The following ULK4 variants were observed in gnomAD, a reference collection of about 807,000 sequenced individuals.
ULK4 encodes the protein inactive serine/threonine-protein kinase ULK4.
Under a neutral mutation model 160.6 loss-of-function variants are expected in ULK4, and 133 were observed. The observed-to-expected ratio is 0.83, with a 90% CI of 0.72 to 0.96. ULK4 has a LOEUF of 0.96. ULK4 is among the 40% of genes least tolerant of loss of function. The pLI is 0.00. For missense variants in ULK4, 1,580 were observed against 1,499.5 expected (o/e 1.05, Z -0.89); for synonymous variants, 534 against 539.8 (o/e 0.99, Z 0.15).
intron 17 of ULK4, chr3:41,869,027 T>C (rs1228036406): frequency 1.3e-5 from 2 of 152,048 alleles, no homozygotes; most frequent in Non-Finnish European, 2.9e-5. Context: ...GCAGTGGGAG[T>C]GGAGAAGAAA....
Position 41,705,253 on chromosome 3 carries a change from C to A in ULK4, c.2686+1G>T. The A allele has an allele frequency of 1.9e-6, 3 of 1,613,460 alleles. No individual in the cohort carries two copies. The highest frequency in any genetic ancestry group is 2.5e-6 in the Non-Finnish European group (3 of 1,179,726). On this transcript the variant is annotated splice_donor_variant, in intron 26 of 36. Transcript: ENST00000301831. LOFTEE classifies it high-confidence loss of function. ...CACAAAATGTTCCAGGGTCTACTCACCTATGGCTCCATCTATGTTCGTTTC... is the reference window on the plus strand; with the variant it reads ...CACAAAATGTTCCAGGGTCTACTCAACTATGGCTCCATCTATGTTCGTTTC...
intron 30 of ULK4, among the ~76,000 whole-genome samples, chr3:41,649,757 T>C (rs1016324863): frequency 6.6e-6 from 1 of 152,224 alleles, no homozygotes; most frequent in African/African-American, 2.4e-5. Context: ...GGCATGTTGA[T>C]GGCAGAAGGC....
At chr3:41,417,302 A>G (rs917944275) in intron 34 of ULK4, among the ~76,000 whole-genome samples, 1 of 152,192 alleles carries the variant, frequency 6.6e-6, no homozygotes, top group African/African-American at 2.4e-5. Context: ...AGAGATCATC[A>G]GTGAAACTCT....
chr3:41,870,733 G>A (rs1344061592), intron 17 of ULK4, among the ~76,000 whole-genome samples: 1 of 152,102 alleles, frequency 6.6e-6, no homozygotes, highest in Admixed American at 6.6e-5. Context: ...TCAAAAAACA[G>A]AACCAATCAA....
intron 35 of ULK4, among the ~76,000 whole-genome samples, chr3:41,283,842 T>TAA (rs35648050): frequency 4.6e-5 from 7 of 151,168 alleles, no homozygotes; most frequent in Admixed American, 1.3e-4. Flanking sequence ...CTAGAACTGA[T>TAA]AAAAAAAATT....
At chr3:41,433,055 T>A (rs1030685720) in intron 34 of ULK4, among the ~76,000 whole-genome samples, 5 of 152,030 alleles carry the variant, frequency 3.3e-5, no homozygotes, top group Non-Finnish European at 4.4e-5. Context: ...CCTATAAAAA[T>A]TAAAAATGCA....
At chr3:41,826,936 G>C (rs1227918322) in intron 18 of ULK4, among the ~76,000 whole-genome samples, 2 of 142,498 alleles carry the variant, frequency 1.4e-5, no homozygotes, top group Non-Finnish European at 3.0e-5. Flanking sequence ...AAATGTAAAA[G>C]AACAGAAATT....
chr3:41,645,442 C>T (rs538035113), intron 30 of ULK4, among the ~76,000 whole-genome samples: 16 of 152,042 alleles, frequency 1.1e-4, no homozygotes, highest in East Asian at 1.9e-4. Flanking sequence ...GCCTTTGTTT[C>T]GTTATGTACC....
At chr3:41,404,493 T>C (rs1260792167) in intron 34 of ULK4, among the ~76,000 whole-genome samples, 1 of 152,198 alleles carries the variant, frequency 6.6e-6, no homozygotes, top group African/African-American at 2.4e-5. Context: ...TTCTTGTAGA[T>C]AGCATGCTGT....
At chr3:41,527,369 C>T (rs1226405219) in intron 32 of ULK4, among the ~76,000 whole-genome samples, 1 of 152,190 alleles carries the variant, frequency 6.6e-6, no homozygotes, top group Non-Finnish European at 1.5e-5. Context: ...TTCTGTGATG[C>T]TTACTATGTG....
At chr3:41,753,943 G>C (rs970043404) in intron 22 of ULK4, among the ~76,000 whole-genome samples, 1 of 152,226 alleles carries the variant, frequency 6.6e-6, no homozygotes, top group African/African-American at 2.4e-5. Context: ...GGAGGATGGA[G>C]TGAGTGCCAG....
chr3:41,296,727 T>C (rs1026118168), intron 35 of ULK4, among the ~76,000 whole-genome samples: 6 of 152,104 alleles, frequency 3.9e-5, no homozygotes, highest in Middle Eastern at 3.4e-3. Context: ...TCCTCATGGC[T>C]AGGAGCTGAT....
chr3:41,896,178 C>T (rs1698145842), intron 15 of ULK4, among the ~76,000 whole-genome samples: 1 of 152,196 alleles, frequency 6.6e-6, no homozygotes, highest in Admixed American at 6.5e-5. Flanking sequence ...ACCGACACCC[C>T]CGACCCATTC....
chr3:41,744,848 A>G (rs1251777978), intron 22 of ULK4, among the ~76,000 whole-genome samples: 1 of 151,804 alleles, frequency 6.6e-6, no homozygotes, highest in Non-Finnish European at 1.5e-5. Flanking sequence ...AAGAACTGAA[A>G]TCACAGCAAG....
chr3:41,800,104 A>C (rs1273341963), intron 20 of ULK4, 28 bp downstream of exon 20: 3 of 1,547,290 alleles, frequency 1.9e-6, no homozygotes, highest in Non-Finnish European at 2.6e-6. Flanking sequence ...ATACCCAGAC[A>C]TATCCCCCAA....
At chr3:41,604,731 C>T (rs548375839) in intron 31 of ULK4, among the ~76,000 whole-genome samples, 1 of 152,158 alleles carries the variant, frequency 6.6e-6, no homozygotes, top group African/African-American at 2.4e-5. Context: ...CAAGCTACAG[C>T]CAGGGCCAAC....
rs1427867692 is a variant in ULK4 at position 41,717,775 on chromosome 3, A to T, written c.2408T>A (p.Leu803Gln). ...QSGNEYLSKC[L>Q]DLLICHIVQE... is the part of the protein sequence containing the mutation. ...CACAATGTGACAGATGAGAAGATCC[A>T]GGCATTTGGACAGGTATTCATTGCC... The change falls in exon 23 of 37, where the codon CTG (leucine) becomes CAG (glutamine). Residue 803 changes from leucine to glutamine, a missense_variant. Transcript: ENST00000301831. 1 of 1,614,110 alleles carries T rather than the reference A, an allele frequency of 6.2e-7. No homozygotes were observed. Among genetic ancestry groups the T allele is most frequent in the South Asian group, 1.1e-5 (1 of 91,082 alleles).
At chr3:41,656,402 C>T (rs1201969433) in intron 30 of ULK4, among the ~76,000 whole-genome samples, 1 of 152,070 alleles carries the variant, frequency 6.6e-6, no homozygotes, top group Non-Finnish European at 1.5e-5. Context: ...ATGCTACCAT[C>T]ATCAAAAGAC....
chr3:41,380,233 T>C (rs2081617623), intron 35 of ULK4, among the ~76,000 whole-genome samples: 1 of 152,170 alleles, frequency 6.6e-6, no homozygotes, highest in Non-Finnish European at 1.5e-5. Context: ...AAGGGAATGC[T>C]AATTTGAATA....
Sources: gnomAD v4.1 joint callset for allele counts (sites outside exome capture counted in the v4.1 genomes callset) on GRCh38, gnomAD v4.1.1 for gene constraint, MANE v1.5 for transcripts, NCBI Gene and HGNC (gene_info 2026-07-23, HGNC 2026-07-21) for gene names.